CLPB: variants seen among roughly 807,000 people sequenced by gnomAD.
CLPB encodes ClpB family mitochondrial disaggregase, also known as mitochondrial disaggregase.
Under a neutral mutation model 78.4 loss-of-function variants are expected in CLPB, and 40 were observed. That is an observed-to-expected ratio of 0.51 (90% CI 0.40 to 0.66). The LOEUF (loss-of-function observed/expected upper bound fraction) is 0.66. Among genes scored for constraint, CLPB ranks in the 30% least tolerant of loss-of-function variants. The pLI is 0.00. For synonymous variants in CLPB, 333 were observed against 348.0 expected, an observed-to-expected ratio of 0.96 and a Z score of 0.48; for missense variants, 780 against 886.9, an observed-to-expected ratio of 0.88 and a Z score of 1.53.
chr11:72,315,276 T>C (rs1475106012), intron 7 of CLPB, among the ~76,000 whole-genome samples: 1 of 152,152 alleles, frequency 6.6e-6, no homozygotes, highest in East Asian at 1.9e-4. Flanking sequence ...ATGTGCTGAA[T>C]AGATAGCTGG....
chr11:72,295,710 C>G, intron 11 of CLPB, 62 bp from the exon 12 acceptor site: 3 of 1,542,036 alleles, frequency 1.9e-6, no homozygotes, highest in Non-Finnish European at 2.7e-6. Flanking sequence ...GGCCTTAGCA[C>G]TCTCAGTTCT....
rs534718934 is a variant in CLPB at position 72,338,384 on chromosome 11, G to A, written c.776-8580C>T. 1.1e-4 allele frequency among the ~76,000 whole-genome samples: 17 copies of A among 152,298 alleles called. 1 individual carries two copies. The South Asian group carries it at 3.3e-3, about 30-fold the overall frequency. On this transcript the variant is annotated intron_variant, in intron 5 of 15. Transcript: ENST00000538039. ...CTGGGGAAAGGAAATTAGAGCTCAA[G>A]GTCACAGAGACTATGAGTAGGAGAG... is the stretch of plus-strand genomic sequence containing the variant.
At chr11:72,305,588 C>T (rs756630199) in intron 9 of CLPB, among the ~76,000 whole-genome samples, 7 of 152,172 alleles carry the variant, frequency 4.6e-5, no homozygotes, top group South Asian at 2.1e-4. Flanking sequence ...GTAGAAGCAC[C>T]GGAACCTGAA....
intron 5 of CLPB, among the ~76,000 whole-genome samples, chr11:72,330,798 T>C (rs1331718843): frequency 6.6e-6 from 1 of 152,098 alleles, no homozygotes; most frequent in Non-Finnish European, 1.5e-5. Context: ...ACACAGAACA[T>C]TAAGGTAATA....
Position 72,316,961 on chromosome 11 carries a change from A to G in CLPB, c.988+145T>C, listed in dbSNP as rs117954624. 16,818 of 517,464 alleles carry G rather than the reference A, an allele frequency of 0.033. 391 individuals carry two copies. The highest frequency in any genetic ancestry group is 0.037 in the Non-Finnish European group (11,179 of 298,794). The allele number at this position is 517,464 out of a possible 1,614,324, so 32.1% of individuals were successfully genotyped here. ...ATTAAATGACACATGACATGCAGAGAGCTTATAACAATGTCTGGCATGTAG... is the reference window on the plus strand; with the variant it reads ...ATTAAATGACACATGACATGCAGAGGGCTTATAACAATGTCTGGCATGTAG... On this transcript the variant is annotated intron_variant, in intron 7 of 15. Coordinates refer to ENST00000538039, the MANE Select transcript of CLPB (RefSeq NM_001258392.3).
intron 4 of CLPB, among the ~76,000 whole-genome samples, chr11:72,362,838 T>C (rs1263644891): frequency 2.6e-5 from 4 of 152,182 alleles, no homozygotes; most frequent in African/African-American, 9.7e-5. Flanking sequence ...TGCATATACT[T>C]TCCTCTCAGA....
intron 2 of CLPB, among the ~76,000 whole-genome samples, chr11:72,426,827 G>A (rs1590936603): frequency 6.6e-6 from 1 of 152,204 alleles, no homozygotes; most frequent in East Asian, 1.9e-4. Context: ...ATAAAGAACA[G>A]TGTGGCAAGT....
In CLPB at chr11:72,318,670, A is replaced by G. The variant is rs539758979; in HGVS notation, c.874-1450T>C. On this transcript the variant is annotated intron_variant, in intron 6 of 15. Coordinates refer to ENST00000538039, the MANE Select transcript of CLPB (RefSeq NM_001258392.3). ...CTGTTACAGTAGTGACCTTGACAGA[A>G]GTTAAAAAAAATAAATAGCAAACAA... 2.8e-3 allele frequency among the ~76,000 whole-genome samples: 424 copies of G among 152,330 alleles called. 2 individuals are homozygous for G. The highest frequency in any genetic ancestry group is 9.7e-3 in the African/African-American group (403 of 41,556).
chr11:72,332,680 A>G (rs1352747589), intron 5 of CLPB: 1 of 152,084 alleles, frequency 6.6e-6, no homozygotes, highest in Non-Finnish European at 1.5e-5. Context: ...CTTTCTGTCT[A>G]TGGATTTGCC....
rs1949437318 is a variant in CLPB at position 72,290,411 on chromosome 11, A to G, written c.*2956T>C. On this transcript the variant is annotated 3_prime_UTR_variant, in exon 16 of 16. Coordinates refer to ENST00000538039, the MANE Select transcript of CLPB (RefSeq NM_001258392.3). ...GGACAGCTCTTCCTTATAGTAGAAT[A>G]CCAATTAATAAATACAGGTAAAATA... is the stretch of plus-strand genomic sequence containing the variant. The G allele has an allele frequency of 6.6e-6, 1 of 152,256 alleles. No homozygotes were observed. Among genetic ancestry groups the G allele is most frequent in the South Asian group, 2.1e-4 (1 of 4,830 alleles). The allele number at this position is 152,256 out of a possible 1,614,324, so 9.4% of individuals were successfully genotyped here. A position where few individuals can be genotyped will look rare whatever the true frequency, so the allele number is the denominator to read the frequency against.
rs142283330 is a variant in CLPB, at chr11:72,381,260, T to G, written c.543-876A>C. Among the ~76,000 whole-genome samples, 6 of 152,206 alleles carry G rather than the reference T, an allele frequency of 3.9e-5. No individual in the cohort carries two copies. The East Asian group carries it at 1.2e-3, about 29-fold the overall frequency. ...AGGAGAGGGAAGTGAGGGCTGGACT[T>G]TGCCTTGGACCCTGAAACCAGGCCC... On this transcript the variant is annotated intron_variant, in intron 3 of 15. Coordinates refer to ENST00000538039, the MANE Select transcript of CLPB (RefSeq NM_001258392.3).
At chr11:72,335,946 G>T (rs189257560) in intron 5 of CLPB, among the ~76,000 whole-genome samples, 6 of 152,250 alleles carry the variant, frequency 3.9e-5, no homozygotes, top group Non-Finnish European at 7.4e-5. Context: ...GGTCCCAGAA[G>T]CCTCTCTGCC....
intron 3 of CLPB, among the ~76,000 whole-genome samples, chr11:72,390,400 T>A (rs1855216417): frequency 7.0e-6 from 1 of 141,958 alleles, no homozygotes; most frequent in South Asian, 2.2e-4. Context: ...ATCACACCAC[T>A]GCACTCCAGC....
intron 2 of CLPB, among the ~76,000 whole-genome samples, chr11:72,411,065 A>G (rs1360199674): frequency 2.0e-5 from 3 of 152,216 alleles, no homozygotes; most frequent in Non-Finnish European, 4.4e-5. Context: ...CATACAGTCC[A>G]CAGGTCTAAC....
chr11:72,309,671 A>T (rs1159892858), intron 7 of CLPB, among the ~76,000 whole-genome samples: 4 of 152,082 alleles, frequency 2.6e-5, no homozygotes, highest in African/African-American at 7.2e-5. Context: ...GTCTTTTTTT[A>T]AAAAAGTAAC....
chr11:72,386,012 T>C (rs953659518), intron 3 of CLPB, among the ~76,000 whole-genome samples: 5 of 152,226 alleles, frequency 3.3e-5, no homozygotes, highest in African/African-American at 4.8e-5. Context: ...TCAAAAAGTA[T>C]AAGCATTTTA....
intron 5 of CLPB, among the ~76,000 whole-genome samples, chr11:72,335,472 C>T (rs1191192276): frequency 1.3e-5 from 2 of 152,180 alleles, no homozygotes; most frequent in Non-Finnish European, 2.9e-5. Flanking sequence ...CCCCATTTAA[C>T]TGAGGGCAGA....
chr11:72,360,827 T>C (rs945302676), intron 4 of CLPB, among the ~76,000 whole-genome samples: 1 of 152,190 alleles, frequency 6.6e-6, no homozygotes, highest in Non-Finnish European at 1.5e-5. Flanking sequence ...TTACCTTACA[T>C]AGTAGGTAAT....
At chr11:72,365,075 T>C (rs1950917383) in intron 4 of CLPB, among the ~76,000 whole-genome samples, 1 of 152,136 alleles carries the variant, frequency 6.6e-6, no homozygotes, top group Non-Finnish European at 1.5e-5. Context: ...ATCCCAGCAC[T>C]CTGTGAGTGT....
Sources: gnomAD v4.1 joint callset for allele counts (sites outside exome capture counted in the v4.1 genomes callset) on GRCh38, gnomAD v4.1.1 for gene constraint, MANE v1.5 for transcripts, NCBI Gene and HGNC (gene_info 2026-07-23, HGNC 2026-07-21) for gene names.